Variants in C17orf67 observed in about 807,000 individuals in gnomAD.
The protein encoded by C17orf67 is chromosome 17 open reading frame 67.
Under a neutral mutation model 11.2 loss-of-function variants are expected in C17orf67, and 12 were observed. The observed-to-expected ratio is 1.07, with a 90% CI of 0.68 to 1.73. The LOEUF is 1.73. Ranked by LOEUF, C17orf67 falls within the 40% of genes most tolerant of loss-of-function variation. C17orf67 has a pLI of 0.00. For synonymous variants in C17orf67, 59 were observed against 46.9 expected, an observed-to-expected ratio of 1.26 and a Z score of -1.05; for missense variants, 115 against 113.5, an observed-to-expected ratio of 1.01 and a Z score of -0.06.
At chr17:56,830,344 CAAA>C in intron 2 of C17orf67, among the ~76,000 whole-genome samples, 1 of 81,412 alleles carries the variant, frequency 1.2e-5, no homozygotes, top group African/African-American at 4.8e-5. Context: ...GACTCCGTCT[CAAA>C]AAAAAAAAAA....
chr17:56,808,118 C>A (rs1905501680), intron 6 of C17orf67, among the ~76,000 whole-genome samples: 1 of 152,024 alleles, frequency 6.6e-6, no homozygotes, highest in African/African-American at 2.4e-5. Context: ...TAACCAATTT[C>A]TCTACCCCTG....
At chr17:56,799,548 G>A (rs769497062) in intron 6 of C17orf67, among the ~76,000 whole-genome samples, 2 of 152,210 alleles carry the variant, frequency 1.3e-5, no homozygotes, top group African/African-American at 4.8e-5. Flanking sequence ...CTGGGGGCAG[G>A]TTTTGTGTGG....
intron 2 of C17orf67, among the ~76,000 whole-genome samples, chr17:56,827,154 CTG>C (rs1906059800): frequency 6.6e-6 from 1 of 152,270 alleles, no homozygotes; most frequent in Non-Finnish European, 1.5e-5. Flanking sequence ...ACATTCAAAA[CTG>C]TGCCAGCTCT....
intron 2 of C17orf67, among the ~76,000 whole-genome samples, 157 bp from the exon 3 acceptor site, chr17:56,825,478 T>G (rs1350427692): frequency 6.6e-6 from 1 of 152,220 alleles, no homozygotes; most frequent in Admixed American, 6.5e-5. Context: ...CAGGTAAATT[T>G]TCCAGATAAA....
In C17orf67 at chr17:56,820,218, A is replaced by C. The variant is rs533800288; in HGVS notation, c.-200-4208T>G. Among the ~76,000 whole-genome samples, 4 of 152,312 alleles carry C rather than the reference A, an allele frequency of 2.6e-5. No individual in the cohort carries two copies. The South Asian group carries it at 6.2e-4, about 24-fold the overall frequency. On this transcript the variant is annotated intron_variant, in intron 4 of 7. Coordinates refer to ENST00000397861, the MANE Select transcript of C17orf67 (RefSeq NM_001085430.4). ...ATTTCTGGTCACAAAACATCACCAA[A>C]CTTCTAAATAAGGACCCAAAACATT...
In C17orf67 at chr17:56,815,855, C is replaced by G. The variant is rs2086721118; in HGVS notation, c.-45G>C. The G allele has an allele frequency of 6.2e-7, 1 of 1,612,684 alleles. No homozygotes were observed. The highest frequency in any genetic ancestry group is 8.5e-7 in the Non-Finnish European group (1 of 1,179,202). On this transcript the variant is annotated 5_prime_UTR_variant, in exon 5 of 8. Coordinates refer to ENST00000397861, the MANE Select transcript of C17orf67 (RefSeq NM_001085430.4). ...CTCTTGCTGAGTGAATCCTCCCAGACTGAGTCAGCCAACTTGAAGGAAGCC... is the reference window on the plus strand; with the variant it reads ...CTCTTGCTGAGTGAATCCTCCCAGAGTGAGTCAGCCAACTTGAAGGAAGCC...
At chr17:56,827,987 GCGAGATCAGGAGTT>G (rs1906084536) in intron 2 of C17orf67, among the ~76,000 whole-genome samples, 1 of 151,002 alleles carries the variant, frequency 6.6e-6, no homozygotes, top group Admixed American at 6.6e-5. Context: ...CAGGCGGATC[GCGAGATCAGGAGTT>G]CGAGATCATC....
At chr17:56,811,858 T>C (rs1318095550) in intron 6 of C17orf67, among the ~76,000 whole-genome samples, 1 of 152,250 alleles carries the variant, frequency 6.6e-6, no homozygotes, top group African/African-American at 2.4e-5. Flanking sequence ...AATGCTTTTA[T>C]GTTCCCAACT....
At chr17:56,822,711 T>C (rs553994741) in intron 4 of C17orf67, among the ~76,000 whole-genome samples, 4 of 152,216 alleles carry the variant, frequency 2.6e-5, no homozygotes, top group Admixed American at 6.5e-5. Flanking sequence ...AACTTTATTG[T>C]TGAAATATAT....
At chr17:56,817,874 T>C (rs931487846) in intron 4 of C17orf67, among the ~76,000 whole-genome samples, 3 of 150,162 alleles carry the variant, frequency 2.0e-5, no homozygotes, top group Non-Finnish European at 4.4e-5. Flanking sequence ...TTTTGAAACA[T>C]GGTCTCCCTC....
chr17:56,831,054 T>C (rs576787081), intron 2 of C17orf67, among the ~76,000 whole-genome samples: 1 of 152,106 alleles, frequency 6.6e-6, no homozygotes, highest in Non-Finnish European at 1.5e-5. Flanking sequence ...GGTCTGAGAA[T>C]GGAGGGGTTT....
chr17:56,816,057 ATCTG>A, intron 4 of C17orf67, 47 bp from the exon 5 acceptor site: 1 of 593,342 alleles, frequency 1.7e-6, no homozygotes, highest in Non-Finnish European at 2.7e-6. Context: ...CAGAGCTTGA[ATCTG>A]AAAAAGCAAC....
intron 6 of C17orf67, chr17:56,804,332 T>C (rs549781645): frequency 6.6e-6 from 1 of 152,334 alleles, no homozygotes; most frequent in East Asian, 1.9e-4. Context: ...GGCAAAATAC[T>C]TCCTGTGACA....
chr17:56,833,148 C>G lies in C17orf67; in HGVS notation c.-807G>C, dbSNP rs1038083148. 2.0e-5 allele frequency: 3 copies of G among 152,468 alleles called. No homozygotes were observed. Among genetic ancestry groups the G allele is most frequent in the Non-Finnish European group, 2.9e-5 (2 of 68,216 alleles). 9.4% of individuals were successfully genotyped at this position (152,468 alleles called of 1,614,324 possible). On this transcript the variant is annotated 5_prime_UTR_variant, in exon 2 of 8. Coordinates refer to ENST00000397861, the MANE Select transcript of C17orf67 (RefSeq NM_001085430.4). ...GTAGGAAGGAAGCCGCTGAGTGCAG[C>G]TGTGCGCGCCGGGGCGGTGCCTGTG...
intron 3 of C17orf67, 91 bp downstream of exon 3, chr17:56,824,990 A>G (rs1387670146): frequency 6.6e-6 from 1 of 152,208 alleles, no homozygotes; most frequent in African/African-American, 2.4e-5. Context: ...TTTTACTATT[A>G]TTTTTAAAAC....
At chr17:56,831,929 G>A (rs1386371997) in intron 2 of C17orf67, among the ~76,000 whole-genome samples, 1 of 151,952 alleles carries the variant, frequency 6.6e-6, no homozygotes, top group Non-Finnish European at 1.5e-5. Flanking sequence ...ATATCAAAAC[G>A]CTTAAACACA....
At position 56,812,292 on chromosome 17, in the gene C17orf67, C is replaced by T. The variant is rs559074201; in HGVS notation, c.156+2577G>A. 9.8e-4 allele frequency among the ~76,000 whole-genome samples: 149 copies of T among 152,242 alleles called. 3 individuals are homozygous for T. The highest frequency in any genetic ancestry group is 3.4e-3 in the Middle Eastern group (1 of 294). On this transcript the variant is annotated intron_variant, in intron 6 of 7. Transcript: ENST00000397861. The stretch of plus-strand genomic sequence containing the variant: ...TGGGCCAGAGGGTGGTGGAGGCTGC[C>T]CTGTGCCCTGTGTAGGGTGTTTAGC...
intron 6 of C17orf67, among the ~76,000 whole-genome samples, chr17:56,812,720 GA>G (rs1429574468): frequency 6.6e-6 from 1 of 151,928 alleles, no homozygotes; most frequent in East Asian, 1.9e-4. Flanking sequence ...AAACAAACCA[GA>G]AAAAGCCAGA....
chr17:56,812,886 T>G (rs1905664791), intron 6 of C17orf67, among the ~76,000 whole-genome samples: 1 of 151,984 alleles, frequency 6.6e-6, no homozygotes, highest in Non-Finnish European at 1.5e-5. Flanking sequence ...AGGGCCAGAG[T>G]CTAGCCTGGC....
Sources: allele counts gnomAD v4.1 joint callset (sites outside exome capture counted in the v4.1 genomes callset), GRCh38; gene constraint gnomAD v4.1.1; transcripts MANE v1.5; gene names NCBI Gene and HGNC (gene_info 2026-07-23, HGNC 2026-07-21).